The following UBR7 variants were observed in gnomAD, a reference collection of about 807,000 sequenced individuals.
UBR7 encodes the protein putative E3 ubiquitin-protein ligase UBR7.
Under a neutral mutation model 57.0 loss-of-function variants are expected in UBR7, and 22 were observed. That is an observed-to-expected ratio of 0.39 (90% CI 0.28 to 0.55). The LOEUF (loss-of-function observed/expected upper bound fraction) is 0.55. Ranked by LOEUF, UBR7 falls within the 20% of genes least tolerant of loss-of-function variation. The pLI, the probability that UBR7 is intolerant of heterozygous loss-of-function variation, is 0.69. For synonymous variants in UBR7, 167 were observed against 179.8 expected (o/e 0.93, Z 0.57); for missense variants, 395 against 513.2 (o/e 0.77, Z 2.23).
Position 93,227,440 on chromosome 14 carries a change from C to T in UBR7, c.*405C>T, listed in dbSNP as rs1566826148. 2.9e-6 allele frequency: 2 copies of T among 680,394 alleles called. No homozygotes were observed. Among genetic ancestry groups the T allele is most frequent in the African/African-American group, 1.8e-5 (1 of 56,884 alleles). The allele number at this position is 680,394 out of a possible 1,614,324, so 42.1% of individuals were successfully genotyped here. A position where few individuals can be genotyped will look rare whatever the true frequency, so the allele number is the denominator to read the frequency against. On this transcript the variant is annotated 3_prime_UTR_variant, in exon 11 of 11. Coordinates refer to ENST00000013070, the MANE Select transcript of UBR7 (RefSeq NM_175748.4). ...CTCCGCAGGCATCACGGAAGGCTCT[C>T]TTCCCGTCACCTAGAACCTCTACAG...
At position 93,220,427 on chromosome 14, in the gene UBR7, G is replaced by T; in HGVS notation, c.1123+16G>T. ...CTCATTTGTGGTAAATACTGTGTGT[G>T]TGTGAAAATTCATCATTTCCTTCAC... On this transcript the variant is annotated intron_variant, in intron 9 of 10. Coordinates refer to ENST00000013070, the MANE Select transcript of UBR7 (RefSeq NM_175748.4). 2 of 1,613,890 alleles carry T rather than the reference G, an allele frequency of 1.2e-6. No individual in the cohort carries two copies.
At chr14:93,210,837 C>T in intron 3 of UBR7, 129 bp downstream of exon 3, 1 of 759,218 alleles carries the variant, frequency 1.3e-6, no homozygotes, top group Non-Finnish European at 2.2e-6. Context: ...TGCAGATGGC[C>T]ATTTCATTTT....
chr14:93,224,153 C>T (rs1473655722), intron 10 of UBR7: 13 of 633,076 alleles, frequency 2.1e-5, no homozygotes, highest in Non-Finnish European at 3.7e-5. Flanking sequence ...GTCCTCTCCG[C>T]GCTCGCCACC....
chr14:93,218,706 G>T lies in UBR7; in HGVS notation c.781G>T (p.Ala261Ser). The change falls in exon 7 of 11, where the codon GCC becomes TCC. Residue 261 changes from alanine (A) to serine (S), a missense_variant. Transcript: ENST00000013070. The stretch of plus-strand genomic sequence containing the variant: ...AGTAGAGCAGAACAGTGAACCATGT[G>T]CCGGCTCTAGTTCTGAATCTGATCT... ...VKVEQNSEPC[A>S]GSSSESDLQT... The T allele has an allele frequency of 6.2e-7, 1 of 1,614,024 alleles. No individual in the cohort carries two copies.
chr14:93,220,955 A>G (rs1595269342), intron 9 of UBR7, among the ~76,000 whole-genome samples: 1 of 151,920 alleles, frequency 6.6e-6, no homozygotes, highest in Non-Finnish European at 1.5e-5. Flanking sequence ...TTATTTATTT[A>G]TTTATTTTGA....
rs1595274171 is a variant in UBR7 at position 93,229,213 on chromosome 14, A to G, written c.*2178A>G. 2 of 313,488 alleles carry G rather than the reference A, an allele frequency of 6.4e-6. No homozygotes were observed. Among genetic ancestry groups the G allele is most frequent in the South Asian group, 5.6e-5 (2 of 35,736 alleles). The allele number at this position is 313,488 out of a possible 1,614,324, so 19.4% of individuals were successfully genotyped here. On this transcript the variant is annotated 3_prime_UTR_variant, in exon 11 of 11. Coordinates refer to ENST00000013070, the MANE Select transcript of UBR7 (RefSeq NM_175748.4). ...AAAATTTAAATAAAACCAATACAAAATAGTTGCTTTTCAGATTGTTTTTAG... is the reference window on the plus strand; with the variant it reads ...AAAATTTAAATAAAACCAATACAAAGTAGTTGCTTTTCAGATTGTTTTTAG...
intron 7 of UBR7, 90 bp downstream of exon 7, chr14:93,218,825 G>A: frequency 7.3e-7 from 1 of 1,365,334 alleles, no homozygotes; most frequent in Non-Finnish European, 1.0e-6. Flanking sequence ...GGAGGCTGAG[G>A]TGGCGGATCA....
chr14:93,215,689 C>CA (rs34666080), intron 6 of UBR7, among the ~76,000 whole-genome samples: 2,481 of 71,490 alleles, frequency 0.035, 76 homozygotes, highest in African/African-American at 0.085. Flanking sequence ...ACTCCATCCT[C>CA]AAAAAAAAAA....
chr14:93,226,529 G>A (rs1261658208), intron 10 of UBR7, among the ~76,000 whole-genome samples: 2 of 152,094 alleles, frequency 1.3e-5, no homozygotes, highest in Non-Finnish European at 1.5e-5. Context: ...GGTGGCTCAC[G>A]CCTGTAATCC....
At position 93,228,611 on chromosome 14, in the gene UBR7, C is replaced by T; in HGVS notation, c.*1576C>T. The T allele has an allele frequency of 2.2e-6, 1 of 454,066 alleles. No individual in the cohort carries two copies. Among genetic ancestry groups the T allele is most frequent in the Non-Finnish European group, 4.4e-6 (1 of 226,772 alleles). 28.1% of individuals were successfully genotyped at this position (454,066 alleles called of 1,614,324 possible). On this transcript the variant is annotated 3_prime_UTR_variant, in exon 11 of 11. Transcript: ENST00000013070. ...TATGTGGAGCTGGAAGGTCTTGTGG[C>T]CACAGGACATGCTGGTGAGCCCTGA...
chr14:93,221,815 C>T (rs528614001), intron 9 of UBR7, among the ~76,000 whole-genome samples: 3 of 151,852 alleles, frequency 2.0e-5, no homozygotes, highest in Non-Finnish European at 4.4e-5. Context: ...AACCCTGTCT[C>T]TACTAAAAAT....
chr14:93,223,473 C>G (rs7154365), intron 10 of UBR7: 344,967 of 526,358 alleles, frequency 0.66, 115,992 homozygotes, highest in East Asian at 0.89. Context: ...TGGCTTGAGC[C>G]CTGCTTTCTT....
In UBR7 at chr14:93,227,208, C is replaced by T; in HGVS notation, c.*173C>T. On this transcript the variant is annotated 3_prime_UTR_variant, in exon 11 of 11. Transcript: ENST00000013070. ...AGCCACCGTGTGGATGCTGACTTCA[C>T]AGCCAGCGTCCTCTGTGACTCAGCT... 1.6e-6 allele frequency: 1 copy of T among 640,586 alleles called. No homozygotes were observed. The highest frequency in any genetic ancestry group is 2.9e-6 in the Non-Finnish European group (1 of 347,666). 39.7% of individuals were successfully genotyped at this position (640,586 alleles called of 1,614,324 possible).
At chr14:93,207,994 A>T (rs192039217) in intron 1 of UBR7, among the ~76,000 whole-genome samples, 1 of 151,688 alleles carries the variant, frequency 6.6e-6, no homozygotes, top group East Asian at 1.9e-4. Context: ...GCAAGTACCC[A>T]TGTCTATCTG....
In UBR7 at chr14:93,227,275, C is replaced by G; in HGVS notation, c.*240C>G. ...CAGACTTCTCCAGTGTACTCCTACT[C>G]CAGTGCACCCAGGGTTATTTGCATA... On this transcript the variant is annotated 3_prime_UTR_variant, in exon 11 of 11. Coordinates refer to ENST00000013070, the MANE Select transcript of UBR7 (RefSeq NM_175748.4). 1 of 612,630 alleles carries G rather than the reference C, an allele frequency of 1.6e-6. No homozygotes were observed. The allele number at this position is 612,630 out of a possible 1,614,324, so 37.9% of individuals were successfully genotyped here. A position where few individuals can be genotyped will look rare whatever the true frequency, so the allele number is the denominator to read the frequency against.
At chr14:93,211,999 C>G (rs1894493506) in intron 3 of UBR7, 33 bp from the exon 4 acceptor site, 1 of 1,470,092 alleles carries the variant, frequency 6.8e-7, no homozygotes, top group African/African-American at 1.4e-5. Context: ...AAAATTAGAC[C>G]ATATTATTAT....
At chr14:93,215,038 A>G (rs746058940) in intron 5 of UBR7, 56 bp downstream of exon 5, 6 of 1,504,420 alleles carry the variant, frequency 4.0e-6, no homozygotes, top group East Asian at 2.4e-5. Context: ...GATAAAGGTT[A>G]TATTTTACAT....
intron 1 of UBR7, among the ~76,000 whole-genome samples, chr14:93,208,453 C>T (rs1270652409): frequency 6.7e-6 from 1 of 149,734 alleles, no homozygotes; most frequent in Non-Finnish European, 1.5e-5. Flanking sequence ...ACAATTTTTC[C>T]CCTGCTTTAC....
chr14:93,211,970 A>G, intron 3 of UBR7, 62 bp from the exon 4 acceptor site: 1 of 1,281,422 alleles, frequency 7.8e-7, no homozygotes, highest in Non-Finnish European at 1.1e-6. Context: ...TAAATTTTAT[A>G]ATGTGTGAAA....
Sources: allele counts gnomAD v4.1 joint callset (sites outside exome capture counted in the v4.1 genomes callset), GRCh38; gene constraint gnomAD v4.1.1; transcripts MANE v1.5; gene names NCBI Gene and HGNC (gene_info 2026-07-23, HGNC 2026-07-21).